PCCA: variants seen among roughly 807,000 people sequenced by gnomAD.
PCCA encodes propionyl-CoA carboxylase subunit alpha, also known as propionyl-CoA carboxylase alpha chain, mitochondrial.
In PCCA, 74 loss-of-function variants were observed where a neutral mutation model predicts 101.3. The ratio of observed to expected loss-of-function variants is 0.73; its 90% CI spans 0.61 to 0.89. The LOEUF (loss-of-function observed/expected upper bound fraction) is 0.89. Among genes scored for constraint, PCCA ranks in the 40% least tolerant of loss-of-function variants. PCCA has a pLI of 0.00. For missense variants in PCCA, 891 were observed against 907.0 expected, an observed-to-expected ratio of 0.98 and a Z score of 0.23; for synonymous variants, 294 against 313.6, an observed-to-expected ratio of 0.94 and a Z score of 0.66.
intron 21 of PCCA, among the ~76,000 whole-genome samples, chr13:100,471,719 CTTG>C (rs2152956025): frequency 6.6e-6 from 1 of 152,312 alleles, no homozygotes; most frequent in Non-Finnish European, 1.5e-5. Context: ...AACTTAGCAA[CTTG>C]TTGAAGATGA....
intron 14 of PCCA, among the ~76,000 whole-genome samples, chr13:100,306,277 T>C (rs2066443052): frequency 6.6e-6 from 1 of 152,242 alleles, no homozygotes; most frequent in Non-Finnish European, 1.5e-5. Context: ...CTTTACAATG[T>C]TGGGCATCAA....
chr13:100,510,783 A>G (rs2152995103), intron 21 of PCCA, among the ~76,000 whole-genome samples: 1 of 152,330 alleles, frequency 6.6e-6, no homozygotes, highest in South Asian at 2.1e-4. Context: ...ATGCATCCTG[A>G]TTGACAGCTA....
intron 6 of PCCA, among the ~76,000 whole-genome samples, chr13:100,195,190 A>G (rs1202598234): frequency 6.6e-6 from 1 of 152,216 alleles, no homozygotes; most frequent in Non-Finnish European, 1.5e-5. Flanking sequence ...AATCCTTGTG[A>G]TCAGCTTCCA....
chr13:100,498,320 A>G (rs543650226), intron 21 of PCCA, among the ~76,000 whole-genome samples: 1 of 151,318 alleles, frequency 6.6e-6, no homozygotes, highest in East Asian at 1.9e-4. Flanking sequence ...AGATACTATT[A>G]TGCTCTCTCA....
At chr13:100,232,168 C>T (rs1437504406) in intron 7 of PCCA, among the ~76,000 whole-genome samples, 2 of 152,202 alleles carry the variant, frequency 1.3e-5, no homozygotes, top group African/African-American at 4.8e-5. Flanking sequence ...TCCATACCTC[C>T]TTATCTTGTG....
At chr13:100,137,598 C>T (rs567404772) in intron 4 of PCCA, among the ~76,000 whole-genome samples, 2 of 152,038 alleles carry the variant, frequency 1.3e-5, no homozygotes, top group African/African-American at 4.8e-5. Flanking sequence ...CTTCTCTATC[C>T]CTTGTAAATT....
chr13:100,435,750 A>G (rs892271626), intron 20 of PCCA, among the ~76,000 whole-genome samples: 2 of 152,210 alleles, frequency 1.3e-5, no homozygotes, highest in African/African-American at 4.8e-5. Flanking sequence ...TATTGAAAAC[A>G]AAAGTATAGG....
intron 6 of PCCA, chr13:100,161,306 T>G (rs950673565): frequency 6.6e-6 from 1 of 152,190 alleles, no homozygotes; most frequent in African/African-American, 2.4e-5. Flanking sequence ...TTATCAAAAT[T>G]TAAAACATCT....
chr13:100,258,224 A>G (rs2062208675), intron 9 of PCCA, among the ~76,000 whole-genome samples: 1 of 152,174 alleles, frequency 6.6e-6, no homozygotes, highest in Non-Finnish European at 1.5e-5. Context: ...AATACTTTTT[A>G]TGGCCCAATC....
At chr13:100,526,572 C>A (rs913007959) in intron 22 of PCCA, among the ~76,000 whole-genome samples, 19 of 152,378 alleles carry the variant, frequency 1.2e-4, no homozygotes, top group Admixed American at 3.9e-4. Context: ...TCTCTAGGCG[C>A]TTCTGAGGCA....
At chr13:100,176,529 A>G (rs780554172) in intron 6 of PCCA, among the ~76,000 whole-genome samples, 2 of 152,250 alleles carry the variant, frequency 1.3e-5, no homozygotes, top group Middle Eastern at 3.4e-3. Flanking sequence ...GTATCTGTCT[A>G]CTTATTTATC....
intron 7 of PCCA, among the ~76,000 whole-genome samples, chr13:100,213,796 A>T (rs1359073602): frequency 6.6e-6 from 1 of 152,108 alleles, no homozygotes; most frequent in Non-Finnish European, 1.5e-5. Context: ...TACTCAAGAA[A>T]TTTTTGCCCA....
At chr13:100,272,408 A>C (rs2063362689) in intron 11 of PCCA, among the ~76,000 whole-genome samples, 1 of 152,090 alleles carries the variant, frequency 6.6e-6, no homozygotes, top group African/African-American at 2.4e-5. Flanking sequence ...TTAACAGTGA[A>C]CTCACAATCC....
intron 12 of PCCA, among the ~76,000 whole-genome samples, chr13:100,286,804 CAG>C (rs1397568682): frequency 6.7e-6 from 1 of 150,116 alleles, no homozygotes; most frequent in Admixed American, 6.7e-5. Flanking sequence ...GAAAACATAA[CAG>C]ATATGATTTG....
intron 1 of PCCA, among the ~76,000 whole-genome samples, chr13:100,095,272 T>C (rs1366168791): frequency 6.6e-6 from 1 of 152,186 alleles, no homozygotes; most frequent in Non-Finnish European, 1.5e-5. Context: ...TCCTTCACTT[T>C]GTTGTATTGG....
intron 6 of PCCA, among the ~76,000 whole-genome samples, chr13:100,193,178 A>G (rs1207520235): frequency 6.6e-6 from 1 of 152,198 alleles, no homozygotes; most frequent in African/African-American, 2.4e-5. Context: ...AGGTGATTGA[A>G]TTGCAGATTC....
intron 6 of PCCA, among the ~76,000 whole-genome samples, chr13:100,176,098 C>T (rs1009339312): frequency 3.9e-5 from 6 of 152,070 alleles, no homozygotes; most frequent in African/African-American, 1.4e-4. Context: ...GTGATGATTC[C>T]TTCTGGGACT....
At chr13:100,255,846 A>G (rs140828185) in intron 8 of PCCA, among the ~76,000 whole-genome samples, 3 of 152,148 alleles carry the variant, frequency 2.0e-5, no homozygotes, top group East Asian at 1.9e-4. Context: ...GTCCCCATCT[A>G]TGTTTTCTAT....
chr13:100,155,486 A>G (rs958483333), intron 5 of PCCA, among the ~76,000 whole-genome samples: 9 of 152,364 alleles, frequency 5.9e-5, no homozygotes, highest in African/African-American at 2.2e-4. Context: ...TAATTTAAAA[A>G]TTACTTATAC....
Sources: allele counts gnomAD v4.1 joint callset (sites outside exome capture counted in the v4.1 genomes callset), GRCh38; gene constraint gnomAD v4.1.1; transcripts MANE v1.5; gene names NCBI Gene and HGNC (gene_info 2026-07-23, HGNC 2026-07-21).